PLEKHH3: variants seen among roughly 807,000 people sequenced by gnomAD.
The protein encoded by PLEKHH3 is pleckstrin homology, MyTH4 and FERM domain containing H3.
A neutral mutation model predicts 77.8 loss-of-function variants in PLEKHH3; 57 were observed. The observed-to-expected ratio is 0.73, with a 90% CI of 0.59 to 0.91. The LOEUF is 0.91. PLEKHH3 is among the 40% of genes least tolerant of loss of function. PLEKHH3 has a pLI of 0.00. For missense variants in PLEKHH3, 1,082 were observed against 1,091.2 expected (o/e 0.99, Z 0.12); for synonymous variants, 467 against 504.8 (o/e 0.93, Z 1.00).
In PLEKHH3 at chr17:42,674,578, C is replaced by G. The variant is rs148022184; in HGVS notation, c.163-169G>C. ...GAGCCCCTGGGCTCGCCCCTCCCGC[C>G]AGTCTTAACAGGACAAGCTCTTCAG... On this transcript the variant is annotated intron_variant, in intron 1 of 12. Coordinates refer to ENST00000591022, the MANE Select transcript of PLEKHH3 (RefSeq NM_024927.5). Among the ~76,000 whole-genome samples the G allele has an allele frequency of 2.1e-3, 314 of 152,320 alleles. 4 individuals are homozygous for G. The highest frequency in any genetic ancestry group is 4.6e-3 in the South Asian group (22 of 4,828).
chr17:42,673,474 C>T lies in PLEKHH3; in HGVS notation c.573G>A (p.Gly191=), dbSNP rs781080180. Residue 191 remains glycine, a synonymous_variant, in exon 5 of 13, where the codon GGG becomes GGA. Coordinates refer to ENST00000591022, the MANE Select transcript of PLEKHH3 (RefSeq NM_024927.5). The stretch of plus-strand genomic sequence containing the variant: ...AGGCGATCACTTCCCGCAATGCCAC[C>T]CCCCAGCGCTCAGCCTCTGCCTGGC... ...SPRQAEAERW[G]VALREVIASK... is the part of the protein sequence containing the mutation. The T allele has an allele frequency of 4.8e-5, 78 of 1,611,696 alleles. 1 individual carries two copies. The highest frequency in any genetic ancestry group is 6.1e-5 in the Non-Finnish European group (72 of 1,179,354).
chr17:42,676,827 G>A lies in PLEKHH3; in HGVS notation c.-264C>T. The A allele has an allele frequency of 7.4e-6, 4 of 540,968 alleles. No individual in the cohort carries two copies. The highest frequency in any genetic ancestry group is 1.3e-5 in the Non-Finnish European group (4 of 301,248). 33.5% of individuals were successfully genotyped at this position (540,968 alleles called of 1,614,324 possible). A position where few individuals can be genotyped will look rare whatever the true frequency, so the allele number is the denominator to read the frequency against. ...CCGGGAGAGGAGGGAGCAATGTCCGGAGCTGGGAAGTAGTGTCCGTTGGAG... is the reference window on the plus strand; with the variant it reads ...CCGGGAGAGGAGGGAGCAATGTCCGAAGCTGGGAAGTAGTGTCCGTTGGAG... On this transcript the variant is annotated 5_prime_UTR_variant, in exon 1 of 13. Coordinates refer to ENST00000591022, the MANE Select transcript of PLEKHH3 (RefSeq NM_024927.5). This position sits in a 1 kb window ranked among gnomAD's most constrained non-coding sequence, Gnocchi z 6.6.
At position 42,672,099 on chromosome 17, in the gene PLEKHH3, C is replaced by T; in HGVS notation, c.1063G>A (p.Gly355Arg). The change falls in exon 7 of 13, where the codon GGG (glycine) becomes AGG (arginine). Residue 355 changes from glycine to arginine, a missense_variant. Coordinates refer to ENST00000591022, the MANE Select transcript of PLEKHH3 (RefSeq NM_024927.5). ...PGGAVRGHLLGHLERTEQALP... is the reference protein window; with the variant it reads ...PGGAVRGHLLRHLERTEQALP... ...CGCCCCTCTCACCTCTCCAAGTGCCCCAGGAGGTGCCCCCGCACAGCTCCC... is the reference window on the plus strand; with the variant it reads ...CGCCCCTCTCACCTCTCCAAGTGCCTCAGGAGGTGCCCCCGCACAGCTCCC... The T allele has an allele frequency of 2.0e-6, 3 of 1,490,692 alleles. No individual in the cohort carries two copies. Among genetic ancestry groups the T allele is most frequent in the Non-Finnish European group, 2.7e-6 (3 of 1,113,900 alleles). 92.3% of individuals were successfully genotyped at this position (1,490,692 alleles called of 1,614,324 possible).
chr17:42,670,452 A>G, intron 10 of PLEKHH3, 76 bp from the exon 11 acceptor site: 1 of 1,475,506 alleles, frequency 6.8e-7, no homozygotes, highest in Non-Finnish European at 9.0e-7. Flanking sequence ...GAATCTGAGC[A>G]GGTCTAGGTT....
chr17:42,676,642 A>G lies in PLEKHH3; in HGVS notation c.-79T>C, dbSNP rs990099649. On this transcript the variant is annotated 5_prime_UTR_variant, in exon 1 of 13. Transcript: ENST00000591022. The surrounding 1 kb of genome is among the most constrained non-coding windows in gnomAD (Gnocchi z 6.6). Reference sequence around the variant, plus strand: ...GGTCGGAGGAACTGGCGGGGCTCCGACCCGAGCAGGGGAAAGATGAGGTGG... The same window carrying G: ...GGTCGGAGGAACTGGCGGGGCTCCGGCCCGAGCAGGGGAAAGATGAGGTGG... 2.5e-5 allele frequency: 34 copies of G among 1,378,298 alleles called. No homozygotes were observed. The African/African-American group carries it at 4.9e-4, about 20-fold the overall frequency. 85.4% of individuals were successfully genotyped at this position (1,378,298 alleles called of 1,614,324 possible).
At chr17:42,669,225 T>C (rs534427252) in intron 12 of PLEKHH3, 2 of 463,544 alleles carry the variant, frequency 4.3e-6, no homozygotes, top group Non-Finnish European at 7.2e-6. Context: ...CTCTTTCCTT[T>C]GTAGCATTTC....
In PLEKHH3 at chr17:42,673,650, C is replaced by CT. The variant is rs2052753613; in HGVS notation, c.482dup (p.Glu162GlyfsTer27). 1 of 1,602,646 alleles carries CT rather than the reference C, an allele frequency of 6.2e-7. No homozygotes were observed. The highest frequency in any genetic ancestry group is 1.3e-5 in the African/African-American group (1 of 74,906). On this transcript the variant is annotated frameshift_variant, in exon 4 of 13. Coordinates refer to ENST00000591022, the MANE Select transcript of PLEKHH3 (RefSeq NM_024927.5). LOFTEE classifies it high-confidence loss of function. ...GTCCCCAGGAGGTCTCACCTGTCTC[C>CT]TTACGCCTGCGCTCTGGGCCGGTCA...
chr17:42,674,237 C>A, intron 2 of PLEKHH3, 117 bp downstream of exon 2: 1 of 1,299,998 alleles, frequency 7.7e-7, no homozygotes, highest in Non-Finnish European at 1.0e-6. Flanking sequence ...AGCCAAACCA[C>A]AGCGTCCGGC....
rs2052693674 is a variant in PLEKHH3 at position 42,671,215 on chromosome 17, GT to G, written c.1285-86del. 6.6e-7 allele frequency: 1 copy of G among 1,526,142 alleles called. No individual in the cohort carries two copies. The highest frequency in any genetic ancestry group is 2.3e-5 in the East Asian group (1 of 44,060). 94.5% of individuals were successfully genotyped at this position (1,526,142 alleles called of 1,614,324 possible). A position where few individuals can be genotyped will look rare whatever the true frequency, so the allele number is the denominator to read the frequency against. On this transcript the variant is annotated intron_variant, in intron 8 of 12. Coordinates refer to ENST00000591022, the MANE Select transcript of PLEKHH3 (RefSeq NM_024927.5). This position sits in a 1 kb window ranked among gnomAD's most constrained non-coding sequence, Gnocchi z 4.7. ...TGATTCAATTGGAAGGGGTCTCTTA[GT>G]CCTGTCACCACCACTCCCTCCCTTA...
chr17:42,670,731 C>A, intron 9 of PLEKHH3, 26 bp from the exon 10 acceptor site: 1 of 1,602,542 alleles, frequency 6.2e-7, no homozygotes, highest in Non-Finnish European at 8.5e-7. Flanking sequence ...GGACGAAGCG[C>A]TAGGGAGAAG....
rs1459166157 is a variant in PLEKHH3, at chr17:42,671,453, C to G, written c.1182G>C (p.Glu394Asp). 5 of 1,613,092 alleles carry G rather than the reference C, an allele frequency of 3.1e-6. No individual in the cohort carries two copies. Among genetic ancestry groups the G allele is most frequent in the Non-Finnish European group, 3.4e-6 (4 of 1,180,034 alleles). The change falls in exon 8 of 13, where the codon GAG becomes GAC. Residue 394 changes from glutamate (E) to aspartate (D), a missense_variant. Transcript: ENST00000591022. The surrounding 1 kb of genome is among the most constrained non-coding windows in gnomAD (Gnocchi z 4.7). ...CCTGCCGTTGGCTCAACGCGGAAAT[C>G]TCCGCCAGCGAGGGCACCAGCTCTC... ...RGRELVPSLA[E>D]ISALSQRQEL... is the part of the protein sequence containing the mutation.
In PLEKHH3 at chr17:42,668,138, G is replaced by T. The variant is rs1397796906; in HGVS notation, c.2371C>A (p.Leu791Met). The change falls in exon 13 of 13, where the codon CTG (leucine) becomes ATG (methionine). Residue 791 changes from leucine (L) to methionine (M), a missense_variant. Coordinates refer to ENST00000591022, the MANE Select transcript of PLEKHH3 (RefSeq NM_024927.5). Reference sequence around the variant, plus strand: ...ACCTCTTGGCAGGCTCAGTCCTGCAGCTGCCCCAAGCAGCCAGACTGTCCC... The same window carrying T: ...ACCTCTTGGCAGGCTCAGTCCTGCATCTGCCCCAAGCAGCCAGACTGTCCC... ...PQGQSGCLGQ[L>M]QD 23 of 1,456,016 alleles carry T rather than the reference G, an allele frequency of 1.6e-5. No individual in the cohort carries two copies. The highest frequency in any genetic ancestry group is 2.0e-5 in the Non-Finnish European group (22 of 1,109,402). The allele number at this position is 1,456,016 out of a possible 1,614,324, so 90.2% of individuals were successfully genotyped here.
In PLEKHH3 at chr17:42,668,179, C is replaced by A; in HGVS notation, c.2330G>T (p.Gly777Val). 3 of 1,541,190 alleles carry A rather than the reference C, an allele frequency of 1.9e-6. No homozygotes were observed. In the South Asian group the frequency reaches 3.7e-5, roughly 19 times the overall value. ...AGACTGTCCCTGGGGCTCGTCCAGG[C>A]CCGGGCGCTGGCTGGGAGGGGAGGT... Reference protein sequence around the residue: ...PDTSPPSQRPGLDEPQGQSGC... With the variant: ...PDTSPPSQRPVLDEPQGQSGC... The change falls in exon 13 of 13, where the codon GGC (glycine) becomes GTC (valine). Residue 777 changes from glycine (G) to valine (V), a missense_variant. Physicochemically the swap from Gly to Val is moderately radical, Grantham distance 109 (BLOSUM62 -3). Around this residue, in one of 3 missense-constraint regions of PLEKHH3, gnomAD observed 733 missense variants for 750.0 expected, o/e 0.98. Transcript: ENST00000591022.
Position 42,673,633 on chromosome 17 carries a change from G to C in PLEKHH3, c.490+10C>G. 1 of 1,601,804 alleles carries C rather than the reference G, an allele frequency of 6.2e-7. No individual in the cohort carries two copies. Among genetic ancestry groups the C allele is most frequent in the Non-Finnish European group, 8.5e-7 (1 of 1,178,988 alleles). On this transcript the variant is annotated intron_variant, in intron 4 of 12. Transcript: ENST00000591022. ...CCTAGGAAGGTAGGAGAGTCCCCAG[G>C]AGGTCTCACCTGTCTCCTTACGCCT...
At chr17:42,669,229 G>A in intron 12 of PLEKHH3, 1 of 467,858 alleles carries the variant, frequency 2.1e-6, no homozygotes. Flanking sequence ...TTCCTTTGTA[G>A]CATTTCTCAC....
chr17:42,673,717 GC>G lies in PLEKHH3; in HGVS notation c.415del (p.Ala139ArgfsTer15). On this transcript the variant is annotated frameshift_variant, in exon 4 of 13. Coordinates refer to ENST00000591022, the MANE Select transcript of PLEKHH3 (RefSeq NM_024927.5). LOFTEE classifies it high-confidence loss of function. ...GAGCACGAGGCTCCCGAGACGCCGC[GC>G]CCCTTTCCCGCTGCTGCTGAACTGA... ...LDQFSSSGKG[A>X]RRLGSLVLTS... 10 of 1,601,146 alleles carry G rather than the reference GC, an allele frequency of 6.2e-6. No individual in the cohort carries two copies. The highest frequency in any genetic ancestry group is 8.5e-6 in the Non-Finnish European group (10 of 1,179,834).
At position 42,676,068 on chromosome 17, in the gene PLEKHH3, C is replaced by T. The variant is rs1400315487; in HGVS notation, c.162+334G>A. On this transcript the variant is annotated intron_variant, in intron 1 of 12. Coordinates refer to ENST00000591022, the MANE Select transcript of PLEKHH3 (RefSeq NM_024927.5). The surrounding 1 kb of genome is among the most constrained non-coding windows in gnomAD (Gnocchi z 6.6). ...GCCCAGCCGGCCTCGCCACATTCCT[C>T]GGCGCTGGCGGAGGCGGAAGGAGAC... is the stretch of plus-strand genomic sequence containing the variant. 8.5e-7 allele frequency: 1 copy of T among 1,177,710 alleles called. No homozygotes were observed. The highest frequency in any genetic ancestry group is 1.1e-6 in the Non-Finnish European group (1 of 950,318). 73.0% of individuals were successfully genotyped at this position (1,177,710 alleles called of 1,614,324 possible). A position where few individuals can be genotyped will look rare whatever the true frequency, so the allele number is the denominator to read the frequency against.
intron 10 of PLEKHH3, 66 bp from the exon 11 acceptor site, chr17:42,670,442 G>T: frequency 6.8e-7 from 1 of 1,465,980 alleles, no homozygotes; most frequent in South Asian, 1.4e-5. Context: ...ACGCCTCGCG[G>T]AATCTGAGCA....
At chr17:42,669,106 C>G in intron 12 of PLEKHH3, 1 of 214,912 alleles carries the variant, frequency 4.7e-6, no homozygotes, top group Non-Finnish European at 9.1e-6. Context: ...CCACTGCACC[C>G]GGCCACCTTG....
Sources: gnomAD v4.1 joint callset for allele counts (sites outside exome capture counted in the v4.1 genomes callset) on GRCh38, gnomAD v4.1.1 for gene constraint, gnomAD v4.1.1 regional missense constraint, Gnocchi (gnomAD v3.1) non-coding constraint, MANE v1.5 for transcripts, NCBI Gene and HGNC (gene_info 2026-07-23, HGNC 2026-07-21) for gene names.